Variants in ESPNL observed in about 807,000 individuals in gnomAD.
ESPNL encodes the protein espin-like protein.
A neutral mutation model predicts 46.8 loss-of-function variants in ESPNL; 49 were observed. The observed-to-expected ratio is 1.05, with a 90% CI of 0.83 to 1.33. The LOEUF is 1.33. ESPNL is among the 40% of genes most tolerant of loss of function. The probability of loss-of-function intolerance (pLI) is 0.00; values close to 1 mark genes in which losing one functional copy is unlikely to be tolerated. For missense variants in ESPNL, 1,540 were observed against 1,436.6 expected (o/e 1.07, Z -1.16); for synonymous variants, 664 against 662.1 (o/e 1.00, Z -0.04).
intron 8 of ESPNL, chr2:238,129,194 C>T (rs919005301): frequency 6.7e-6 from 9 of 1,346,368 alleles, no homozygotes; most frequent in Admixed American, 3.4e-5. Context: ...CCTTCCTGGG[C>T]GCAGCGTCTA....
chr2:238,126,384 G>T (rs1255319634), intron 6 of ESPNL, among the ~76,000 whole-genome samples: 1 of 151,392 alleles, frequency 6.6e-6, no homozygotes, highest in African/African-American at 2.4e-5. Context: ...TTGTGATTGT[G>T]TGTCTCTGTA....
In ESPNL at chr2:238,131,819, C is replaced by A; in HGVS notation, c.*87C>A. 2 of 1,448,102 alleles carry A rather than the reference C, an allele frequency of 1.4e-6. No individual in the cohort carries two copies. Among genetic ancestry groups the A allele is most frequent in the Non-Finnish European group, 1.9e-6 (2 of 1,069,502 alleles). 89.7% of individuals were successfully genotyped at this position (1,448,102 alleles called of 1,614,324 possible). On this transcript the variant is annotated 3_prime_UTR_variant, in exon 9 of 9. Transcript: ENST00000343063. The stretch of plus-strand genomic sequence containing the variant: ...TTTCCTTGCTCACACCCTTGGTGTT[C>A]AGGTGAGCCGGGCAAGGCTGCCTCC...
rs182590742 is a variant in ESPNL at position 238,131,648 on chromosome 2, C to T, written c.2934C>T (p.Asn978=). The T allele has an allele frequency of 1.6e-4, 264 of 1,609,402 alleles. No homozygotes were observed. Among genetic ancestry groups the T allele is most frequent in the Non-Finnish European group, 2.0e-4 (239 of 1,177,084 alleles). The change falls in exon 9 of 9, where the codon AAC becomes AAT. Residue 978 remains asparagine (N), a synonymous_variant. Transcript: ENST00000343063. ...CCCGCTCCCAGCAGGGCAGCTTCAA[C>T]GGTGAGGACATCTGCGGCTACATCA... is the stretch of plus-strand genomic sequence containing the variant. ...LGSRSQQGSF[N]GEDICGYINR...
At chr2:238,127,956 G>A (rs1692178686) in intron 7 of ESPNL, among the ~76,000 whole-genome samples, 1 of 152,158 alleles carries the variant, frequency 6.6e-6, no homozygotes, top group South Asian at 2.1e-4. Flanking sequence ...CAGAAACACG[G>A]GGACCCTTCT....
At chr2:238,120,970 C>G (rs1306860679) in intron 5 of ESPNL, among the ~76,000 whole-genome samples, 2 of 152,242 alleles carry the variant, frequency 1.3e-5, no homozygotes, top group Non-Finnish European at 2.9e-5. Context: ...CCAAGAGCAG[C>G]AGCAGCTTGG....
intron 3 of ESPNL, among the ~76,000 whole-genome samples, chr2:238,105,935 C>T (rs1691586976): frequency 6.6e-6 from 1 of 152,186 alleles, no homozygotes; most frequent in Non-Finnish European, 1.5e-5. Flanking sequence ...TGGCTCTGCC[C>T]CCGGGGCCTT....
intron 6 of ESPNL, among the ~76,000 whole-genome samples, chr2:238,126,110 GTC>G (rs1286972283): frequency 3.3e-5 from 5 of 151,060 alleles, no homozygotes; most frequent in Admixed American, 6.6e-5. Context: ...GTGATTGTGT[GTC>G]TCTGTGATTG....
intron 1 of ESPNL, among the ~76,000 whole-genome samples, chr2:238,101,275 ACGC>A (rs66498735): frequency 0.41 from 62,451 of 151,686 alleles, 14,896 homozygotes; most frequent in African/African-American, 0.65. Context: ...CGGCCTTAGA[ACGC>A]CGCCGCCCAG....
chr2:238,125,178 A>G, intron 5 of ESPNL, 92 bp from the exon 6 acceptor site: 1 of 573,826 alleles, frequency 1.7e-6, no homozygotes, highest in Non-Finnish European at 3.0e-6. Flanking sequence ...CAGGCTCCCC[A>G]AGGCTCGTCC....
chr2:238,102,046 A>C lies in ESPNL; in HGVS notation c.400A>C (p.Thr134Pro). 6.2e-7 allele frequency: 1 copy of C among 1,602,286 alleles called. No homozygotes were observed. The highest frequency in any genetic ancestry group is 8.5e-7 in the Non-Finnish European group (1 of 1,176,094). The stretch of plus-strand genomic sequence containing the variant: ...CGAGGGCCACTCGGCCACGCTAGAG[A>C]CCCGGGAGGGAGCCCGGCCGCTGCA... ...LHEGHSATLE[T>P]REGARPLHHA... The change falls in exon 2 of 9, where the codon ACC becomes CCC. Residue 134 changes from threonine to proline, a missense_variant. By Grantham distance (38) the Thr-to-Pro change is conservative (BLOSUM62 -1). Transcript: ENST00000343063.
rs73098384 is a variant in ESPNL at position 238,113,861 on chromosome 2, G to A, written c.856-3042G>A. Among the ~76,000 whole-genome samples, 792 of 152,288 alleles carry A rather than the reference G, an allele frequency of 5.2e-3. 11 individuals carry two copies. Among genetic ancestry groups the A allele is most frequent in the African/African-American group, 0.018 (755 of 41,550 alleles). On this transcript the variant is annotated intron_variant, in intron 4 of 8. Coordinates refer to ENST00000343063, the MANE Select transcript of ESPNL (RefSeq NM_194312.4). ...CGGGAGGACGGCACATCATATAACT[G>A]TTCTTCCGTCGTCAGCCCAGGCTCA...
chr2:238,123,795 G>A (rs1178384173), intron 5 of ESPNL, among the ~76,000 whole-genome samples: 1 of 152,234 alleles, frequency 6.6e-6, no homozygotes, highest in Non-Finnish European at 1.5e-5. Flanking sequence ...TTCCTGGGCT[G>A]TGGGCACAGA....
intron 5 of ESPNL, among the ~76,000 whole-genome samples, chr2:238,118,032 G>A (rs1318717159): frequency 1.3e-5 from 2 of 149,904 alleles, no homozygotes; most frequent in Non-Finnish European, 3.0e-5. Context: ...GGTGAATGGA[G>A]GAGGAATGGA....
intron 8 of ESPNL, 73 bp downstream of exon 8, chr2:238,128,977 G>A (rs1200075747): frequency 6.0e-6 from 9 of 1,488,196 alleles, no homozygotes; most frequent in African/African-American, 5.6e-5. Context: ...TGGAAGTCAG[G>A]GCGCCCGAAG....
chr2:238,105,452 G>T (rs1234730686), intron 3 of ESPNL, among the ~76,000 whole-genome samples: 1 of 149,812 alleles, frequency 6.7e-6, no homozygotes, highest in Non-Finnish European at 1.5e-5. Context: ...GGCGGAGGTT[G>T]CTGTGAGCCA....
intron 6 of ESPNL, among the ~76,000 whole-genome samples, chr2:238,126,883 GTC>G (rs1051992521): frequency 6.6e-6 from 1 of 150,976 alleles, no homozygotes; most frequent in East Asian, 2.0e-4. Context: ...GTGTCTGTAT[GTC>G]TGTGTGATTG....
At chr2:238,120,062 C>T (rs1691952618) in intron 5 of ESPNL, among the ~76,000 whole-genome samples, 1 of 149,138 alleles carries the variant, frequency 6.7e-6, no homozygotes, top group African/African-American at 2.5e-5. Flanking sequence ...AGAATTCAGT[C>T]ACTGTTGGAA....
Position 238,118,387 on chromosome 2 carries a change from AG to A in ESPNL, c.987+1356del, listed in dbSNP as rs1463168492. Among the ~76,000 whole-genome samples, 22 of 72,908 alleles carry A rather than the reference AG, an allele frequency of 3.0e-4. 1 individual carries two copies. Among genetic ancestry groups the A allele is most frequent in the African/African-American group, 1.5e-3 (17 of 11,492 alleles). 47.8% of individuals were successfully genotyped at this position (72,908 alleles called of 152,430 possible). ...AATGGATGGAGGAGGTGGATGGAGA[AG>A]GGTGGATGGAAGAGGGTGGACGGAG... On this transcript the variant is annotated intron_variant, in intron 5 of 8. Coordinates refer to ENST00000343063, the MANE Select transcript of ESPNL (RefSeq NM_194312.4).
chr2:238,131,239 A>T lies in ESPNL; in HGVS notation c.2525A>T (p.His842Leu). ...TTGTCCCCCGAGCAGTTCCTGCCCCACGTGGACGGGGCTCCGGTGCCCTAC... is the reference window on the plus strand; with the variant it reads ...TTGTCCCCCGAGCAGTTCCTGCCCCTCGTGGACGGGGCTCCGGTGCCCTAC... ...GALSPEQFLP[H>L]VDGAPVPYSS... The change falls in exon 9 of 9, where the codon CAC becomes CTC. Residue 842 changes from histidine to leucine, a missense_variant. Physicochemically the swap from His to Leu is moderately conservative, Grantham distance 99 (BLOSUM62 -3). Coordinates refer to ENST00000343063, the MANE Select transcript of ESPNL (RefSeq NM_194312.4). The T allele has an allele frequency of 6.4e-7, 1 of 1,563,646 alleles. No homozygotes were observed. Among genetic ancestry groups the T allele is most frequent in the South Asian group, 1.2e-5 (1 of 85,450 alleles).
Sources: gnomAD v4.1 joint callset for allele counts (sites outside exome capture counted in the v4.1 genomes callset) on GRCh38, gnomAD v4.1.1 for gene constraint, MANE v1.5 for transcripts, NCBI Gene and HGNC (gene_info 2026-07-23, HGNC 2026-07-21) for gene names.